Variants in SV2C observed in about 807,000 individuals in gnomAD.
The protein encoded by SV2C is synaptic vesicle glycoprotein 2C.
A neutral mutation model predicts 79.7 loss-of-function variants in SV2C; 49 were observed. That is an observed-to-expected ratio of 0.61 (90% CI 0.49 to 0.78). The LOEUF is 0.78. SV2C is among the 30% of genes least tolerant of loss of function. SV2C has a pLI of 0.00. For missense variants in SV2C, 833 were observed against 912.9 expected, an observed-to-expected ratio of 0.91 and a Z score of 1.13; for synonymous variants, 334 against 333.2, an observed-to-expected ratio of 1.00 and a Z score of -0.03.
At chr5:75,990,994 T>C in the SV2C span, among the ~76,000 whole-genome samples, 1 of 151,914 alleles carries the variant, frequency 6.6e-6, no homozygotes, top group East Asian at 1.9e-4. Flanking sequence ...ACACACACAG[T>C]TGTAACCAGG....
chr5:76,285,836 T>C lies in SV2C; in HGVS notation c.1103T>C (p.Met368Thr). 1 of 1,614,120 alleles carries C rather than the reference T, an allele frequency of 6.2e-7. No homozygotes were observed. Among genetic ancestry groups the C allele is most frequent in the Non-Finnish European group, 8.5e-7 (1 of 1,179,984 alleles). Residue 368 changes from methionine to threonine, a missense_variant, in exon 6 of 13, where the codon ATG becomes ACG. By Grantham distance (81) the Met-to-Thr change is moderately conservative. Transcript: ENST00000502798. Reference sequence around the variant, plus strand: ...CTGAAGTTAATTCATGACACCAACATGAGAGCCCGGGGTCAGCCTGAGAAG... The same window carrying C: ...CTGAAGTTAATTCATGACACCAACACGAGAGCCCGGGGTCAGCCTGAGAAG... ...MILKLIHDTN[M>T]RARGQPEKVF...
chr5:75,996,466 G>A, the SV2C span, among the ~76,000 whole-genome samples: 53,907 of 151,956 alleles, frequency 0.35, 10,431 homozygotes, highest in East Asian at 0.62. Flanking sequence ...TGGCAATGCG[G>A]GATCTTTTTT....
At chr5:75,991,296 A>G in the SV2C span, among the ~76,000 whole-genome samples, 237 of 151,742 alleles carry the variant, frequency 1.6e-3, 1 homozygote, top group African/African-American at 5.5e-3. Flanking sequence ...CCAATTTCCT[A>G]TTGAGTTATT....
intron 4 of SV2C, among the ~76,000 whole-genome samples, chr5:76,235,943 A>G (rs1745597008): frequency 6.6e-6 from 1 of 152,210 alleles, no homozygotes; most frequent in Non-Finnish European, 1.5e-5. Flanking sequence ...TAATTTATGT[A>G]TTGTAGAAGA....
At chr5:76,090,284 G>A (rs1267479021) in intron 1 of SV2C, among the ~76,000 whole-genome samples, 1 of 152,180 alleles carries the variant, frequency 6.6e-6, no homozygotes, top group Non-Finnish European at 1.5e-5. Flanking sequence ...TGAGTGTGGG[G>A]TCCCATGTTT....
the SV2C span, among the ~76,000 whole-genome samples, chr5:76,014,647 C>A: frequency 6.6e-6 from 1 of 152,134 alleles, no homozygotes; most frequent in Non-Finnish European, 1.5e-5. Context: ...TACTGCCACA[C>A]ACACACATGT....
chr5:75,849,272 T>A, the SV2C span, among the ~76,000 whole-genome samples: 7 of 151,986 alleles, frequency 4.6e-5, no homozygotes, highest in Non-Finnish European at 1.0e-4. Context: ...CTTAGTGGAG[T>A]GAATGGAAGA....
At chr5:75,848,458 C>G in the SV2C span, among the ~76,000 whole-genome samples, 1 of 152,170 alleles carries the variant, frequency 6.6e-6, no homozygotes, top group Non-Finnish European at 1.5e-5. Context: ...TGAAGGAAGA[C>G]AGAACATTCA....
chr5:75,983,208 C>T, the SV2C span, among the ~76,000 whole-genome samples: 2 of 151,986 alleles, frequency 1.3e-5, no homozygotes, highest in Non-Finnish European at 2.9e-5. Context: ...TGTACTCATA[C>T]CCCTGAACTT....
intron 2 of SV2C, among the ~76,000 whole-genome samples, chr5:76,180,107 G>A (rs907236190): frequency 2.0e-4 from 30 of 152,092 alleles, no homozygotes; most frequent in African/African-American, 6.3e-4. Context: ...AGAAATGCAC[G>A]GACTTAAGCA....
At chr5:75,903,263 T>C in the SV2C span, among the ~76,000 whole-genome samples, 6 of 152,156 alleles carry the variant, frequency 3.9e-5, 1 homozygote, top group Admixed American at 2.0e-4. Context: ...TGTGTACACA[T>C]GCATAACTGA....
chr5:75,923,708 G>A, the SV2C span, among the ~76,000 whole-genome samples: 2 of 152,054 alleles, frequency 1.3e-5, no homozygotes, highest in African/African-American at 4.8e-5. Context: ...AAACCACAAT[G>A]AAATACCACC....
chr5:76,150,306 T>C (rs1749562831), intron 2 of SV2C, among the ~76,000 whole-genome samples: 1 of 151,954 alleles, frequency 6.6e-6, no homozygotes, highest in African/African-American at 2.4e-5. Flanking sequence ...GCCTCCCAAG[T>C]AGCTGAGACT....
chr5:76,239,873 G>T (rs1248307752), intron 4 of SV2C, among the ~76,000 whole-genome samples: 1 of 152,150 alleles, frequency 6.6e-6, no homozygotes, highest in Non-Finnish European at 1.5e-5. Context: ...GGATCGCTAG[G>T]GGCATCTTGG....
At chr5:76,346,334 G>T (rs1191747948) in intron 12 of SV2C, among the ~76,000 whole-genome samples, 1 of 152,164 alleles carries the variant, frequency 6.6e-6, no homozygotes, top group Admixed American at 6.5e-5. Flanking sequence ...TTTGACAATG[G>T]CTGTGTTTAA....
intron 6 of SV2C, among the ~76,000 whole-genome samples, chr5:76,289,689 G>T (rs1308470081): frequency 6.6e-6 from 1 of 152,038 alleles, no homozygotes; most frequent in African/African-American, 2.4e-5. Context: ...TTCAGGAATC[G>T]CGAACTCTTT....
chr5:76,312,592 G>T (rs1284463775), intron 12 of SV2C, among the ~76,000 whole-genome samples: 3 of 152,180 alleles, frequency 2.0e-5, no homozygotes, highest in Non-Finnish European at 2.9e-5. Flanking sequence ...GGCGCTCGGG[G>T]CCAGGAGCGC....
At chr5:76,064,531 C>T in the SV2C span, among the ~76,000 whole-genome samples, 1 of 152,204 alleles carries the variant, frequency 6.6e-6, no homozygotes, top group East Asian at 1.9e-4. Context: ...GCTCCGTCAT[C>T]ATCCCCAAAA....
chr5:76,098,385 A>C (rs567274165), intron 1 of SV2C, among the ~76,000 whole-genome samples: 1 of 152,350 alleles, frequency 6.6e-6, no homozygotes, highest in African/African-American at 2.4e-5. Flanking sequence ...AATTCAGAAG[A>C]AATAAATCAG....
Sources: gnomAD v4.1 joint callset for allele counts (sites outside exome capture counted in the v4.1 genomes callset) on GRCh38, gnomAD v4.1.1 for gene constraint, MANE v1.5 for transcripts, NCBI Gene and HGNC (gene_info 2026-07-23, HGNC 2026-07-21) for gene names.